The following TFAP2B variants were observed in gnomAD, a reference collection of about 807,000 sequenced individuals.
The protein encoded by TFAP2B is transcription factor AP-2 beta.
Under a neutral mutation model 44.3 loss-of-function variants are expected in TFAP2B, and 9 were observed. That is an observed-to-expected ratio of 0.20 (90% CI 0.12 to 0.35). TFAP2B has a LOEUF of 0.35. TFAP2B is among the 10% of genes least tolerant of loss of function. TFAP2B has a pLI of 1.00. For missense variants in TFAP2B, 509 were observed against 600.0 expected (o/e 0.85, Z 1.59); for synonymous variants, 270 against 263.8 (o/e 1.02, Z -0.23).
chr6:50,842,662 A>G (rs1283367575), intron 6 of TFAP2B, among the ~76,000 whole-genome samples: 2 of 152,228 alleles, frequency 1.3e-5, no homozygotes, highest in African/African-American at 2.4e-5. Flanking sequence ...GAGGGGCCTA[A>G]ATCTTTCAGG....
chr6:50,842,784 T>G (rs1569778), intron 6 of TFAP2B, among the ~76,000 whole-genome samples: 4 of 152,144 alleles, frequency 2.6e-5, no homozygotes, highest in African/African-American at 9.6e-5. Flanking sequence ...AAAAATCAAC[T>G]GCTAAAGCCT....
chr6:50,821,785 A>G (rs892519635), intron 1 of TFAP2B: 6 of 242,104 alleles, frequency 2.5e-5, no homozygotes, highest in Admixed American at 5.0e-5. Flanking sequence ...CATGAATATC[A>G]ATTATTATGA....
At chr6:50,834,123 T>C (rs1333774178) in intron 3 of TFAP2B, among the ~76,000 whole-genome samples, 2 of 152,162 alleles carry the variant, frequency 1.3e-5, no homozygotes, top group Non-Finnish European at 1.5e-5. Context: ...TTGTGAAGAG[T>C]AAGATAGACT....
intron 5 of TFAP2B, among the ~76,000 whole-genome samples, chr6:50,839,248 T>A (rs1227397032): frequency 6.6e-6 from 1 of 152,204 alleles, no homozygotes; most frequent in Non-Finnish European, 1.5e-5. Flanking sequence ...GAAACCCCAC[T>A]AAAATTCCAA....
chr6:50,845,998 G>C lies in TFAP2B; in HGVS notation c.*2606G>C, dbSNP rs1228150332. The C allele has an allele frequency of 2.0e-5, 3 of 152,654 alleles. No homozygotes were observed. Among genetic ancestry groups the C allele is most frequent in the African/African-American group, 7.2e-5 (3 of 41,474 alleles). The allele number at this position is 152,654 out of a possible 1,614,324, so 9.5% of individuals were successfully genotyped here. ...CACCCGGGGCGCCGGCTCCTGGAGG[G>C]AGAGTGGCCTAGAAATATCCAAGGA... On this transcript the variant is annotated 3_prime_UTR_variant, in exon 7 of 7. Coordinates refer to ENST00000393655, the MANE Select transcript of TFAP2B (RefSeq NM_003221.4).
At chr6:50,827,867 G>A (rs140397757) in intron 2 of TFAP2B, among the ~76,000 whole-genome samples, 1 of 152,282 alleles carries the variant, frequency 6.6e-6, no homozygotes, top group East Asian at 1.9e-4. Context: ...ATGAAACTGT[G>A]GCACAGAAGA....
intron 1 of TFAP2B, chr6:50,822,274 C>A: frequency 1.1e-6 from 1 of 916,080 alleles, no homozygotes; most frequent in Non-Finnish European, 1.6e-6. Flanking sequence ...TCTCTGTCTT[C>A]CTTTGAGCGC....
At position 50,829,504 on chromosome 6, in the gene TFAP2B, A is replaced by G. The variant is rs1770615906; in HGVS notation, c.601+825A>G. Among the ~76,000 whole-genome samples, 4 of 152,328 alleles carry G rather than the reference A, an allele frequency of 2.6e-5. No individual in the cohort carries two copies. The South Asian group carries it at 8.3e-4, about 32-fold the overall frequency. On this transcript the variant is annotated intron_variant, in intron 3 of 6. Transcript: ENST00000393655. ...GCCTGAATGTCACTCAAATGCCACA[A>G]ATTTAGGAGTTTAAATGTGTAAACA...
chr6:50,835,642 C>G (rs1762604068), intron 3 of TFAP2B, among the ~76,000 whole-genome samples: 1 of 152,110 alleles, frequency 6.6e-6, no homozygotes, highest in African/African-American at 2.4e-5. Context: ...GGCTTCAGCA[C>G]CAAATGAGAT....
At chr6:50,820,280 G>A (rs1180471764) in intron 1 of TFAP2B, among the ~76,000 whole-genome samples, 2 of 152,214 alleles carry the variant, frequency 1.3e-5, no homozygotes, top group Non-Finnish European at 2.9e-5. Flanking sequence ...CCGGCGCAGA[G>A]CCGCCTCGAA....
At chr6:50,826,944 G>T (rs1385603552) in intron 2 of TFAP2B, among the ~76,000 whole-genome samples, 1 of 152,130 alleles carries the variant, frequency 6.6e-6, no homozygotes, top group African/African-American at 2.4e-5. Context: ...AAATCTTTAC[G>T]ATCCTCCCTG....
Position 50,838,104 on chromosome 6 carries a change from C to T in TFAP2B, c.940+11C>T, listed in dbSNP as rs371554597. On this transcript the variant is annotated intron_variant, in intron 5 of 6. Transcript: ENST00000393655. ...CCTCCCTGGTGGAAGGTAAGCAAGA[C>T]GTGTGGCCATTTCACGAAGTGGCTG... is the stretch of plus-strand genomic sequence containing the variant. 6.1e-5 allele frequency: 98 copies of T among 1,601,340 alleles called. No individual in the cohort carries two copies. The highest frequency in any genetic ancestry group is 4.5e-4 in the South Asian group (41 of 90,828).
At chr6:50,831,049 G>A (rs534478673) in intron 3 of TFAP2B, among the ~76,000 whole-genome samples, 19 of 152,272 alleles carry the variant, frequency 1.2e-4, no homozygotes, top group African/African-American at 4.6e-4. Context: ...GAAGACTTAG[G>A]CATAAATGAT....
chr6:50,831,167 C>T (rs1770658593), intron 3 of TFAP2B, among the ~76,000 whole-genome samples: 1 of 152,188 alleles, frequency 6.6e-6, no homozygotes, highest in African/African-American at 2.4e-5. Context: ...AGATTATGGG[C>T]TCCCTCTCTT....
At chr6:50,829,809 T>C (rs552790518) in intron 3 of TFAP2B, among the ~76,000 whole-genome samples, 1 of 152,362 alleles carries the variant, frequency 6.6e-6, no homozygotes, top group African/African-American at 2.4e-5. Context: ...TGTCTTCTTT[T>C]ACAAAGTCAG....
chr6:50,823,728 C>T lies in TFAP2B; in HGVS notation c.403C>T (p.Leu135Phe). Residue 135 changes from leucine to phenylalanine, a missense_variant, in exon 2 of 7, where the codon CTT becomes TTT. Coordinates refer to ENST00000393655, the MANE Select transcript of TFAP2B (RefSeq NM_003221.4). The part of the protein sequence containing the change: ...PRAALPQLSG[L>F]DPRRDYHSVR... ...GGCCGCCTTGCCCCAGCTCTCGGGCCTTGACCCCCGGAGGGACTACCACTC... is the reference window on the plus strand; with the variant it reads ...GGCCGCCTTGCCCCAGCTCTCGGGCTTTGACCCCCGGAGGGACTACCACTC... The T allele has an allele frequency of 6.2e-7, 1 of 1,611,984 alleles. No individual in the cohort carries two copies. The highest frequency in any genetic ancestry group is 8.5e-7 in the Non-Finnish European group (1 of 1,179,120).
Position 50,828,601 on chromosome 6 carries a change from A to G in TFAP2B, c.541-18A>G. ...TAATATCCTGTCAATTTGAATAGTG[A>G]TGTTTTTATATTCACAGTCAGTTGA... is the stretch of plus-strand genomic sequence containing the variant. On this transcript the variant is annotated intron_variant, in intron 2 of 6. Transcript: ENST00000393655. 6.2e-7 allele frequency: 1 copy of G among 1,604,032 alleles called. No homozygotes were observed.
Position 50,843,305 on chromosome 6 carries a change from C to T in TFAP2B, c.1296C>T (p.Phe432=), listed in dbSNP as rs1438518523. The change falls in exon 7 of 7, where the codon TTC becomes TTT. Residue 432 remains phenylalanine (F), a synonymous_variant. Coordinates refer to ENST00000393655, the MANE Select transcript of TFAP2B (RefSeq NM_003221.4). ...CGCTCAAAGGCATGGACAAGATGTT[C>T]TTGAACAACACCACCACTAACAGGC... ...TEALKGMDKM[F]LNNTTTNRHT... The T allele has an allele frequency of 3.1e-6, 5 of 1,613,990 alleles. No homozygotes were observed. Among genetic ancestry groups the T allele is most frequent in the Non-Finnish European group, 4.2e-6 (5 of 1,180,044 alleles).
chr6:50,821,829 G>A (rs1770356484), intron 1 of TFAP2B: 4 of 256,836 alleles, frequency 1.6e-5, no homozygotes, highest in Non-Finnish European at 3.1e-5. Context: ...GGAAGGGGCG[G>A]CCGAGCAGTC....
Sources: allele counts gnomAD v4.1 joint callset (sites outside exome capture counted in the v4.1 genomes callset), GRCh38; gene constraint gnomAD v4.1.1; transcripts MANE v1.5; gene names NCBI Gene and HGNC (gene_info 2026-07-23, HGNC 2026-07-21).